The following RIC1 variants were observed in gnomAD, a reference collection of about 807,000 sequenced individuals.
RIC1 encodes the protein RIC1 partner of RAB6A GEF complex, also known as guanine nucleotide exchange factor subunit RIC1.
A neutral mutation model predicts 169.0 loss-of-function variants in RIC1; 88 were observed. The ratio of observed to expected loss-of-function variants is 0.52; its 90% CI spans 0.44 to 0.62. The LOEUF is 0.62. RIC1 is among the 20% of genes least tolerant of loss of function. The pLI is 0.00. For missense variants in RIC1, 1,877 were observed against 1,725.5 expected, an observed-to-expected ratio of 1.09 and a Z score of -1.56; for synonymous variants, 790 against 601.5, an observed-to-expected ratio of 1.31 and a Z score of -4.59.
At chr9:5,632,901 T>G (rs1817785644) in intron 1 of RIC1, among the ~76,000 whole-genome samples, 1 of 152,160 alleles carries the variant, frequency 6.6e-6, no homozygotes, top group Non-Finnish European at 1.5e-5. Flanking sequence ...TGTATAGACA[T>G]TCTCGTTTTT....
Position 5,773,969 on chromosome 9 carries a change from A to T in RIC1, c.3995A>T (p.Lys1332Met). ...RWASTDCPGY[K>M]PFLNIIKPQL... ...TTTTCTCTACATAGTCCTGGATATA[A>T]GCCATTTTTAAACATCATTAAGCCA... Residue 1332 changes from lysine (K) to methionine (M), a missense_variant, in exon 26 of 26, where the codon AAG (lysine) becomes ATG (methionine). Around this residue, in one of 3 missense-constraint regions of RIC1, gnomAD observed 681 missense variants for 582.0 expected, o/e 1.17. Transcript: ENST00000414202. The T allele has an allele frequency of 1.9e-6, 3 of 1,604,006 alleles. No individual in the cohort carries two copies. Among genetic ancestry groups the T allele is most frequent in the Non-Finnish European group, 2.6e-6 (3 of 1,175,840 alleles).
chr9:5,760,492 C>G (rs1826259220), intron 17 of RIC1, among the ~76,000 whole-genome samples: 1 of 152,166 alleles, frequency 6.6e-6, no homozygotes, highest in Non-Finnish European at 1.5e-5. Flanking sequence ...ATAAACATTA[C>G]TCATATTGTG....
intron 2 of RIC1, among the ~76,000 whole-genome samples, chr9:5,679,012 A>C (rs1048371109): frequency 1.3e-5 from 2 of 151,924 alleles, no homozygotes; most frequent in Non-Finnish European, 1.5e-5. Flanking sequence ...ATCTTGAATT[A>C]ATTTTTGTAT....
chr9:5,769,341 A>G (rs1827034407), intron 22 of RIC1, 85 bp downstream of exon 22: 1 of 1,613,488 alleles, frequency 6.2e-7, no homozygotes, highest in Non-Finnish European at 8.5e-7. Context: ...TTGATATTCA[A>G]GGAATTATTT....
intron 1 of RIC1, among the ~76,000 whole-genome samples, chr9:5,655,200 G>A (rs528219283): frequency 2.1e-4 from 32 of 152,276 alleles, no homozygotes; most frequent in African/African-American, 6.7e-4. Flanking sequence ...GTTTCTCATA[G>A]ATCTTCTTTA....
At chr9:5,743,644 TG>T (rs777565417) in intron 9 of RIC1, 44 bp from the exon 10 acceptor site, 8 of 1,440,852 alleles carry the variant, frequency 5.6e-6, no homozygotes, top group Non-Finnish European at 6.7e-6. Context: ...GTGTATTATA[TG>T]TAATTGGAAG....
Position 5,702,810 on chromosome 9 carries a change from G to C in RIC1, c.333-11086G>C, listed in dbSNP as rs527366496. Among the ~76,000 whole-genome samples, 209 of 152,272 alleles carry C rather than the reference G, an allele frequency of 1.4e-3. 1 individual carries two copies. Among genetic ancestry groups the C allele is most frequent in the African/African-American group, 4.8e-3 (200 of 41,552 alleles). ...ATTCTGCCCGACTTGGCCTCCCAAAGTGCTAGGATTACAGGCGTGAGCCAC... is the reference window on the plus strand; with the variant it reads ...ATTCTGCCCGACTTGGCCTCCCAAACTGCTAGGATTACAGGCGTGAGCCAC... On this transcript the variant is annotated intron_variant, in intron 3 of 25. Coordinates refer to ENST00000414202, the MANE Select transcript of RIC1 (RefSeq NM_020829.4).
At chr9:5,635,238 C>T (rs555547935) in intron 1 of RIC1, among the ~76,000 whole-genome samples, 2 of 152,174 alleles carry the variant, frequency 1.3e-5, no homozygotes, top group African/African-American at 4.8e-5. Flanking sequence ...TCTCAGCCTC[C>T]TAAAGTGCTA....
intron 1 of RIC1, among the ~76,000 whole-genome samples, chr9:5,645,640 G>A (rs1818469048): frequency 6.6e-6 from 1 of 152,122 alleles, no homozygotes; most frequent in Admixed American, 6.5e-5. Context: ...CAGACAAGTG[G>A]AACCACACAC....
At chr9:5,694,388 C>T (rs746908263) in intron 3 of RIC1, among the ~76,000 whole-genome samples, 1 of 152,126 alleles carries the variant, frequency 6.6e-6, no homozygotes, top group Non-Finnish European at 1.5e-5. Flanking sequence ...AATAATAAAC[C>T]TTGTTCTACA....
chr9:5,685,303 G>C (rs1018375091), intron 2 of RIC1, among the ~76,000 whole-genome samples: 1 of 150,984 alleles, frequency 6.6e-6, no homozygotes, highest in South Asian at 2.1e-4. Flanking sequence ...AACCAAAAAA[G>C]AGCCCGCATC....
chr9:5,695,884 T>G (rs1022175941), intron 3 of RIC1, among the ~76,000 whole-genome samples: 4 of 152,118 alleles, frequency 2.6e-5, no homozygotes, highest in African/African-American at 9.7e-5. Flanking sequence ...TATGTCTTCT[T>G]AATGTCAGAT....
rs1248060178 is a variant in RIC1, at chr9:5,746,159, T to C, written c.1248+76T>C. On this transcript the variant is annotated intron_variant, in intron 11 of 25. Transcript: ENST00000414202. The stretch of plus-strand genomic sequence containing the variant: ...CAGACCCTTCTTTATGACATATGTA[T>C]GGCGTATACTTCTAAAATTGGCATA... 3 of 1,027,600 alleles carry C rather than the reference T, an allele frequency of 2.9e-6. No homozygotes were observed. The African/African-American group carries it at 4.8e-5, about 16-fold the overall frequency. 63.7% of individuals were successfully genotyped at this position (1,027,600 alleles called of 1,614,324 possible).
chr9:5,766,459 T>A (rs1390103829), intron 21 of RIC1, among the ~76,000 whole-genome samples: 2 of 151,906 alleles, frequency 1.3e-5, no homozygotes, highest in Non-Finnish European at 2.9e-5. Context: ...CCAAGCAGTA[T>A]ACACTGCACC....
chr9:5,635,481 T>C (rs1817928695), intron 1 of RIC1, among the ~76,000 whole-genome samples: 1 of 152,204 alleles, frequency 6.6e-6, no homozygotes, highest in Non-Finnish European at 1.5e-5. Context: ...TTGTGAAAGA[T>C]TGACTATATA....
chr9:5,747,901 C>T (rs1488018870), intron 12 of RIC1, among the ~76,000 whole-genome samples: 1 of 152,176 alleles, frequency 6.6e-6, no homozygotes, highest in Non-Finnish European at 1.5e-5. Flanking sequence ...GCTGACCTTA[C>T]AGTCTTAAGG....
At chr9:5,711,825 G>A (rs577819430) in intron 3 of RIC1, among the ~76,000 whole-genome samples, 2 of 152,150 alleles carry the variant, frequency 1.3e-5, no homozygotes, top group African/African-American at 2.4e-5. Flanking sequence ...AACATGCGGT[G>A]TTTGGTTTTT....
chr9:5,632,464 T>C (rs1285858169), intron 1 of RIC1, among the ~76,000 whole-genome samples: 1 of 152,180 alleles, frequency 6.6e-6, no homozygotes, highest in East Asian at 1.9e-4. Flanking sequence ...TCTTCAGAAT[T>C]ATTTCCTACC....
intron 2 of RIC1, among the ~76,000 whole-genome samples, chr9:5,677,674 A>G (rs1586927851): frequency 6.6e-6 from 1 of 152,056 alleles, no homozygotes; most frequent in Middle Eastern, 3.4e-3. Flanking sequence ...TTGTATTTCC[A>G]TATTTTATGT....
Sources: gnomAD v4.1 joint callset for allele counts (sites outside exome capture counted in the v4.1 genomes callset) on GRCh38, gnomAD v4.1.1 for gene constraint, gnomAD v4.1.1 regional missense constraint, MANE v1.5 for transcripts, NCBI Gene and HGNC (gene_info 2026-07-23, HGNC 2026-07-21) for gene names.